The following LARP1B variants were observed in gnomAD, a reference collection of about 807,000 sequenced individuals.
The protein encoded by LARP1B is la-related protein 1B.
LARP1B carries 76 observed loss-of-function variants against 114.2 expected under a neutral mutation model. The ratio of observed to expected loss-of-function variants is 0.67; its 90% confidence interval spans 0.55 to 0.81. The LOEUF is 0.81. Among genes scored for constraint, LARP1B ranks in the 30% least tolerant of loss-of-function variants. The pLI, the probability that LARP1B is intolerant of heterozygous loss-of-function variation, is 0.00. For synonymous variants in LARP1B, 345 were observed against 348.0 expected (o/e 0.99, Z 0.10); for missense variants, 1,014 against 1,075.8 (o/e 0.94, Z 0.80).
intron 15 of LARP1B, among the ~76,000 whole-genome samples, chr4:128,196,834 C>T (rs769509471): frequency 2.0e-5 from 3 of 152,014 alleles, no homozygotes; most frequent in Non-Finnish European, 2.9e-5. Context: ...ATTAGATAAA[C>T]ACATACAATG....
chr4:128,068,827 C>T (rs939745056), intron 1 of LARP1B, among the ~76,000 whole-genome samples: 5 of 152,144 alleles, frequency 3.3e-5, no homozygotes, highest in African/African-American at 7.2e-5. Context: ...AAAAGTTTAT[C>T]TTATTAGAAG....
In LARP1B at chr4:128,079,535, GTTTC is replaced by G. The variant is rs1427389696; in HGVS notation, c.217+1577_217+1580del. On this transcript the variant is annotated intron_variant, in intron 4 of 19. Coordinates refer to ENST00000326639, the MANE Select transcript of LARP1B (RefSeq NM_018078.4). ...GTGGTTGTTAGAAAAATTTCTTCCT[GTTTC>G]TTTTTTTTTAATTTTTAAATTTAAA... Among the ~76,000 whole-genome samples the G allele has an allele frequency of 8.6e-5, 13 of 151,718 alleles. No individual in the cohort carries two copies. In the East Asian group the frequency reaches 2.3e-3, roughly 27 times the overall value.
At chr4:128,075,084 A>G (rs1579863430) in intron 3 of LARP1B, 91 bp downstream of exon 3, 1 of 882,914 alleles carries the variant, frequency 1.1e-6, no homozygotes, top group Admixed American at 2.3e-5. Context: ...AATGTAAAGA[A>G]TTGTCATACT....
chr4:128,167,937 T>C (rs1481386156), intron 12 of LARP1B, among the ~76,000 whole-genome samples: 2 of 152,130 alleles, frequency 1.3e-5, no homozygotes, highest in Non-Finnish European at 2.9e-5. Context: ...TTCAGATTTA[T>C]TCATGCTTTT....
In LARP1B at chr4:128,206,679, A is replaced by G. The variant is rs1242960720; in HGVS notation, c.2419+142A>G. On this transcript the variant is annotated intron_variant, in intron 18 of 19. Transcript: ENST00000326639. ...ATGCTATTGTTGTGTTTCTTGATGA[A>G]GGATGGGGCACCAGGTAGTAAGAAG... The G allele has an allele frequency of 2.2e-6, 3 of 1,377,238 alleles. No homozygotes were observed. In the African/African-American group the frequency reaches 4.4e-5, roughly 20 times the overall value. The allele number at this position is 1,377,238 out of a possible 1,614,324, so 85.3% of individuals were successfully genotyped here. A position where few individuals can be genotyped will look rare whatever the true frequency, so the allele number is the denominator to read the frequency against.
intron 9 of LARP1B, chr4:128,108,060 G>A: frequency 2.1e-6 from 3 of 1,459,154 alleles, no homozygotes; most frequent in Non-Finnish European, 2.7e-6. Context: ...GAGGAAGTTG[G>A]GCCAACACTG....
chr4:128,084,458 A>AC (rs1400050160), intron 5 of LARP1B, among the ~76,000 whole-genome samples: 3 of 152,228 alleles, frequency 2.0e-5, no homozygotes, highest in African/African-American at 7.2e-5. Context: ...CCCCGTCTCC[A>AC]CCAAAAAAGT....
chr4:128,186,480 G>GT (rs74990890), intron 15 of LARP1B, among the ~76,000 whole-genome samples: 2,726 of 152,114 alleles, frequency 0.018, 65 homozygotes, highest in East Asian at 0.1. Context: ...AAATGCTACT[G>GT]TTTTTTTGTA....
chr4:128,170,563 T>C (rs1459866244), intron 12 of LARP1B, among the ~76,000 whole-genome samples: 4 of 152,224 alleles, frequency 2.6e-5, no homozygotes, highest in Admixed American at 1.3e-4. Flanking sequence ...TCTTGGTGAA[T>C]TGGCCCTTTC....
intron 5 of LARP1B, among the ~76,000 whole-genome samples, chr4:128,086,296 C>T (rs1217351420): frequency 2.6e-5 from 4 of 151,904 alleles, no homozygotes; most frequent in Non-Finnish European, 5.9e-5. Flanking sequence ...TGAGCCACCT[C>T]GCCCAGCCGC....
At chr4:128,152,227 T>C (rs920239231) in intron 11 of LARP1B, among the ~76,000 whole-genome samples, 1 of 137,850 alleles carries the variant, frequency 7.3e-6, no homozygotes, top group African/African-American at 2.8e-5. Flanking sequence ...TTTTTTGAGG[T>C]GGACTCTCGC....
chr4:128,131,015 C>T (rs1006506859), intron 11 of LARP1B, among the ~76,000 whole-genome samples: 1 of 152,070 alleles, frequency 6.6e-6, no homozygotes, highest in Admixed American at 6.6e-5. Flanking sequence ...CAGTGATTGC[C>T]AATGGTTGGA....
chr4:128,174,220 C>T (rs1332582819), intron 12 of LARP1B, among the ~76,000 whole-genome samples: 1 of 151,948 alleles, frequency 6.6e-6, no homozygotes, highest in East Asian at 1.9e-4. Flanking sequence ...TATGACTATT[C>T]ATGTTCAAGA....
At chr4:128,214,044 A>G (rs1451617386), downstream of LARP1B, among the ~76,000 whole-genome samples, 3 of 150,106 alleles carry the variant, frequency 2.0e-5, no homozygotes, top group South Asian at 4.4e-4. Flanking sequence ...GGGGTGACGG[A>G]CGCACCTGGA....
chr4:128,219,752 A>T (rs1393488406), intron 6 of LARP1B, among the ~76,000 whole-genome samples: 1 of 150,832 alleles, frequency 6.6e-6, no homozygotes, highest in African/African-American at 2.4e-5. Context: ...ATAGGTAACT[A>T]ACCTGCACAA....
At chr4:128,149,588 A>G (rs1459260682) in intron 11 of LARP1B, among the ~76,000 whole-genome samples, 1 of 152,248 alleles carries the variant, frequency 6.6e-6, no homozygotes, top group Non-Finnish European at 1.5e-5. Flanking sequence ...TGAAAGAAGT[A>G]GGGACATTAG....
rs890786708 is a variant in LARP1B at position 128,094,077 on chromosome 4, T to A, written c.668+2565T>A. Among the ~76,000 whole-genome samples, 7 of 151,684 alleles carry A rather than the reference T, an allele frequency of 4.6e-5. No individual in the cohort carries two copies. In the East Asian group the frequency reaches 5.8e-4, roughly 13 times the overall value. ...CTACTTTTTTTTAACTTTTTAAAAA[T>A]TTTTTTGAGATGCTAATTTTTGTAT... On this transcript the variant is annotated intron_variant, in intron 7 of 19. Coordinates refer to ENST00000326639, the MANE Select transcript of LARP1B (RefSeq NM_018078.4).
chr4:128,113,619 G>T (rs1315499567), intron 9 of LARP1B, among the ~76,000 whole-genome samples: 2 of 151,790 alleles, frequency 1.3e-5, no homozygotes, highest in African/African-American at 2.4e-5. Flanking sequence ...GGGATTGTAG[G>T]TGTGAGCCAC....
At chr4:128,093,335 G>A (rs1342105765) in intron 7 of LARP1B, among the ~76,000 whole-genome samples, 1 of 151,928 alleles carries the variant, frequency 6.6e-6, no homozygotes, top group Non-Finnish European at 1.5e-5. Flanking sequence ...GGTGGCTCAC[G>A]CCTGTAATCC....
Sources: allele counts gnomAD v4.1 joint callset (sites outside exome capture counted in the v4.1 genomes callset), GRCh38; gene constraint gnomAD v4.1.1; transcripts MANE v1.5; gene names NCBI Gene and HGNC (gene_info 2026-07-23, HGNC 2026-07-21).